The following TTC28 variants were observed in gnomAD, a reference collection of about 807,000 sequenced individuals.
TTC28 encodes the protein tetratricopeptide repeat domain 28, also known as tetratricopeptide repeat protein 28.
A neutral mutation model predicts 198.0 loss-of-function variants in TTC28; 61 were observed. The observed-to-expected ratio is 0.31, with a 90% confidence interval of 0.25 to 0.38. The LOEUF (loss-of-function observed/expected upper bound fraction) is 0.38. TTC28 is among the 10% of genes least tolerant of loss of function. The probability of loss-of-function intolerance (pLI) is 1.00; values close to 1 mark genes in which losing one functional copy is unlikely to be tolerated. For synonymous variants in TTC28, 1,171 were observed against 1,297.8 expected (o/e 0.90, Z 2.10); for missense variants, 2,678 against 3,164.0 (o/e 0.85, Z 3.69).
chr22:28,160,203 A>G (rs919707395), intron 6 of TTC28, among the ~76,000 whole-genome samples: 4 of 152,214 alleles, frequency 2.6e-5, no homozygotes, highest in African/African-American at 9.6e-5. Flanking sequence ...GAAAATAACT[A>G]AAAAGTGTAA....
Position 28,231,628 on chromosome 22 carries a change from C to A in TTC28, c.933+64570G>T, listed in dbSNP as rs549133263. Among the ~76,000 whole-genome samples, 42 of 152,312 alleles carry A rather than the reference C, an allele frequency of 2.8e-4. No homozygotes were observed. The South Asian group carries it at 7.0e-3, about 26-fold the overall frequency. On this transcript the variant is annotated intron_variant, in intron 5 of 22. Coordinates refer to ENST00000397906, the MANE Select transcript of TTC28 (RefSeq NM_001145418.2). ...GGTTGTGGAATGTTAGCAGTTTACA[C>A]ATGGCTGGTGAAGAGAAGCTATGCA...
intron 2 of TTC28, among the ~76,000 whole-genome samples, chr22:28,505,552 T>C (rs1452149530): frequency 2.0e-5 from 3 of 152,134 alleles, no homozygotes; most frequent in South Asian, 2.1e-4. Context: ...ACTTCTCCCA[T>C]GAATCTTTGC....
At chr22:28,408,119 A>C (rs1176761489) in intron 2 of TTC28, among the ~76,000 whole-genome samples, 1 of 152,204 alleles carries the variant, frequency 6.6e-6, no homozygotes, top group African/African-American at 2.4e-5. Context: ...TTAATTAATA[A>C]GATACTAGGA....
At chr22:28,455,686 C>A (rs2047848580) in intron 2 of TTC28, among the ~76,000 whole-genome samples, 1 of 151,128 alleles carries the variant, frequency 6.6e-6, no homozygotes, top group Admixed American at 6.6e-5. Flanking sequence ...TGCACTCAAG[C>A]CTGGGTGACA....
chr22:28,559,628 A>G (rs2049839237), intron 2 of TTC28, among the ~76,000 whole-genome samples: 1 of 152,068 alleles, frequency 6.6e-6, no homozygotes, highest in African/African-American at 2.4e-5. Flanking sequence ...CCATCCTATA[A>G]CCAAAGTGGT....
chr22:28,141,366 A>C lies in TTC28; in HGVS notation c.1441+21726T>G, dbSNP rs1031013904. Among the ~76,000 whole-genome samples the C allele has an allele frequency of 1.1e-4, 16 of 152,140 alleles. No homozygotes were observed. The South Asian group carries it at 1.2e-3, about 12-fold the overall frequency. ...GAATGCAAGTTAAGCAGGGATTTTA[A>C]ATTATTCACTGCTTTATCTCTAATG... On this transcript the variant is annotated intron_variant, in intron 6 of 22. Coordinates refer to ENST00000397906, the MANE Select transcript of TTC28 (RefSeq NM_001145418.2).
At chr22:28,073,237 T>C (rs1418092689) in intron 12 of TTC28, among the ~76,000 whole-genome samples, 3 of 152,250 alleles carry the variant, frequency 2.0e-5, no homozygotes, top group Middle Eastern at 6.8e-3. Context: ...ACACACCTGA[T>C]TGAGGAACTG....
In TTC28 at chr22:28,453,705, A is replaced by T. The variant is rs946231494; in HGVS notation, c.382-147062T>A. 2.0e-5 allele frequency among the ~76,000 whole-genome samples: 3 copies of T among 152,174 alleles called. No individual in the cohort carries two copies. The East Asian group carries it at 5.8e-4, about 29-fold the overall frequency. ...ATCCAAATCTTGCCACTTTATCATC[A>T]TCTCTACCCTTTCTCTTTAGCAACA... On this transcript the variant is annotated intron_variant, in intron 2 of 22. Transcript: ENST00000397906.
At chr22:28,370,705 G>C (rs2046318648) in intron 2 of TTC28, among the ~76,000 whole-genome samples, 5 of 152,318 alleles carry the variant, frequency 3.3e-5, no homozygotes, top group Admixed American at 3.3e-4. Context: ...TAGTGAAAGA[G>C]AGTAGTAGAG....
chr22:28,651,037 G>A (rs1313885559), intron 1 of TTC28, among the ~76,000 whole-genome samples: 3 of 152,184 alleles, frequency 2.0e-5, no homozygotes, highest in African/African-American at 7.2e-5. Context: ...TTGTGCTACA[G>A]TGGTGGGACT....
At chr22:28,374,090 G>T (rs1282384536) in intron 2 of TTC28, among the ~76,000 whole-genome samples, 1 of 152,070 alleles carries the variant, frequency 6.6e-6, no homozygotes, top group Non-Finnish European at 1.5e-5. Context: ...CTTGAAATTG[G>T]CAAGTAGCAG....
Position 28,101,812 on chromosome 22 carries a change from AG to A in TTC28, c.3308-533del, listed in dbSNP as rs57895864. ...AAAAAAAAAAAAAAAAAAAAAAAAA[AG>A]AATACTAACAACACAGCTAGATAAA... On this transcript the variant is annotated intron_variant, in intron 8 of 22. Coordinates refer to ENST00000397906, the MANE Select transcript of TTC28 (RefSeq NM_001145418.2). 5.4e-3 allele frequency among the ~76,000 whole-genome samples: 645 copies of A among 119,346 alleles called. 8 individuals are homozygous for A. Among genetic ancestry groups the A allele is most frequent in the African/African-American group, 0.02 (584 of 29,902 alleles). 78.3% of individuals were successfully genotyped at this position (119,346 alleles called of 152,430 possible).
At chr22:28,086,804 T>G (rs950804152) in intron 12 of TTC28, among the ~76,000 whole-genome samples, 1 of 151,588 alleles carries the variant, frequency 6.6e-6, no homozygotes, top group Non-Finnish European at 1.5e-5. Context: ...ATCAAATAGA[T>G]GCAATAAAAA....
At chr22:28,057,070 G>A (rs1366299805) in intron 12 of TTC28, among the ~76,000 whole-genome samples, 1 of 152,032 alleles carries the variant, frequency 6.6e-6, no homozygotes, top group Non-Finnish European at 1.5e-5. Context: ...TTTATGATTT[G>A]GAGGTATTAT....
At chr22:28,168,320 A>T (rs1448880571) in intron 5 of TTC28, among the ~76,000 whole-genome samples, 1 of 152,218 alleles carries the variant, frequency 6.6e-6, no homozygotes, top group African/African-American at 2.4e-5. Flanking sequence ...GGAAAAAACT[A>T]CTTTAAAGTT....
At chr22:28,270,531 A>G (rs909329009) in intron 5 of TTC28, among the ~76,000 whole-genome samples, 1 of 140,528 alleles carries the variant, frequency 7.1e-6, no homozygotes. Context: ...ATCTGATATT[A>G]AAAAAAAAAC....
intron 2 of TTC28, among the ~76,000 whole-genome samples, chr22:28,617,854 G>C (rs1229555786): frequency 6.6e-6 from 1 of 152,150 alleles, no homozygotes; most frequent in East Asian, 1.9e-4. Flanking sequence ...AGAAATATGA[G>C]ACTGTCCTAG....
chr22:28,233,102 C>CA (rs767038801), intron 5 of TTC28, among the ~76,000 whole-genome samples: 231 of 140,860 alleles, frequency 1.6e-3, no homozygotes, highest in Middle Eastern at 3.7e-3. Context: ...AACTCTGTCT[C>CA]AAAAAAAAAA....
At chr22:28,452,260 T>G (rs1434519411) in intron 2 of TTC28, among the ~76,000 whole-genome samples, 1 of 151,732 alleles carries the variant, frequency 6.6e-6, no homozygotes, top group African/African-American at 2.4e-5. Context: ...CATGGTGGCA[T>G]GCACCTGTAG....
Sources: gnomAD v4.1 joint callset for allele counts (sites outside exome capture counted in the v4.1 genomes callset) on GRCh38, gnomAD v4.1.1 for gene constraint, MANE v1.5 for transcripts, NCBI Gene and HGNC (gene_info 2026-07-23, HGNC 2026-07-21) for gene names.